The following TRAF6 variants were observed in gnomAD, a reference collection of about 807,000 sequenced individuals.
TRAF6 encodes the protein TNF receptor-associated factor 6.
TRAF6 carries 10 observed loss-of-function variants against 48.4 expected under a neutral mutation model. That is an observed-to-expected ratio of 0.21 (90% CI 0.13 to 0.35). The LOEUF (loss-of-function observed/expected upper bound fraction) is 0.35. Ranked by LOEUF, TRAF6 falls within the 10% of genes least tolerant of loss-of-function variation. TRAF6 has a pLI of 1.00. For missense variants in TRAF6, 397 were observed against 661.0 expected (o/e 0.60, Z 4.38); for synonymous variants, 186 against 219.6 (o/e 0.85, Z 1.35).
At chr11:36,507,874 T>TATATA (rs1859828429) in intron 1 of TRAF6, among the ~76,000 whole-genome samples, 1 of 148,516 alleles carries the variant, frequency 6.7e-6, no homozygotes, top group African/African-American at 2.5e-5. Context: ...ACTTTTTTTT[T>TATATA]TGTCAGGGTC....
chr11:36,492,410 C>A lies in TRAF6; in HGVS notation c.756+141G>T. On this transcript the variant is annotated intron_variant, in intron 6 of 6. Transcript: ENST00000526995. ...CTAAGTATGCCTTTGCTTCTGCTCA[C>A]AGCATCCATGAATAACTCTATTATA... 3 of 709,420 alleles carry A rather than the reference C, an allele frequency of 4.2e-6. No individual in the cohort carries two copies. In the South Asian group the frequency reaches 5.7e-5, roughly 13 times the overall value. 43.9% of individuals were successfully genotyped at this position (709,420 alleles called of 1,614,324 possible).
intron 4 of TRAF6, 144 bp downstream of exon 4, chr11:36,496,964 T>G: frequency 1.1e-6 from 1 of 900,676 alleles, no homozygotes. Flanking sequence ...ACCTTCTTTT[T>G]CTTAAAAATC....
intron 5 of TRAF6, among the ~76,000 whole-genome samples, chr11:36,493,291 A>C (rs1248792134): frequency 2.6e-5 from 4 of 152,232 alleles, no homozygotes; most frequent in African/African-American, 9.6e-5. Flanking sequence ...TTAGAAATTT[A>C]ATGTAGCTAT....
Position 36,484,551 on chromosome 11 carries a change from T to C in TRAF6, c.*5287A>G, listed in dbSNP as rs1859454813. Reference sequence around the variant, plus strand: ...CACAGTGTCTTTCTTAATAGAGTCATACATTAATGAATGTTACCCATTATT... The same window carrying C: ...CACAGTGTCTTTCTTAATAGAGTCACACATTAATGAATGTTACCCATTATT... On this transcript the variant is annotated 3_prime_UTR_variant, in exon 7 of 7. Transcript: ENST00000526995. Among the ~76,000 whole-genome samples, 2 of 152,218 alleles carry C rather than the reference T, an allele frequency of 1.3e-5. No homozygotes were observed. Among genetic ancestry groups the C allele is most frequent in the South Asian group, 4.1e-4 (2 of 4,836 alleles).
chr11:36,507,133 C>T (rs1016337566), intron 1 of TRAF6, among the ~76,000 whole-genome samples: 8 of 143,258 alleles, frequency 5.6e-5, no homozygotes, highest in African/African-American at 1.0e-4. Flanking sequence ...ATTATACATA[C>T]ATAAATGTAT....
At position 36,488,982 on chromosome 11, in the gene TRAF6, T is replaced by A. The variant is rs1859525427; in HGVS notation, c.*856A>T. Reference sequence around the variant, plus strand: ...TTATGTTGCTGATTGTATGTGTGCATCTCCTGTCTTGTAAGCATTAAACAA... The same window carrying A: ...TTATGTTGCTGATTGTATGTGTGCAACTCCTGTCTTGTAAGCATTAAACAA... On this transcript the variant is annotated 3_prime_UTR_variant, in exon 7 of 7. Coordinates refer to ENST00000526995, the MANE Select transcript of TRAF6 (RefSeq NM_004620.4). 1 of 152,178 alleles carries A rather than the reference T, an allele frequency of 6.6e-6. No individual in the cohort carries two copies. Among genetic ancestry groups the A allele is most frequent in the Non-Finnish European group, 1.5e-5 (1 of 68,036 alleles). 9.4% of individuals were successfully genotyped at this position (152,178 alleles called of 1,614,324 possible).
In TRAF6 at chr11:36,486,620, TTC is replaced by T. The variant is rs1236024403; in HGVS notation, c.*3216_*3217del. Among the ~76,000 whole-genome samples, 4 of 152,172 alleles carry T rather than the reference TTC, an allele frequency of 2.6e-5. No individual in the cohort carries two copies. The highest frequency in any genetic ancestry group is 5.9e-5 in the Non-Finnish European group (4 of 68,038). On this transcript the variant is annotated 3_prime_UTR_variant, in exon 7 of 7. Coordinates refer to ENST00000526995, the MANE Select transcript of TRAF6 (RefSeq NM_004620.4). ...TTAGAATAAAAAACACCTGCCTTCA[TTC>T]TGTTTCACTTTTTTCTACTATTTAT... is the stretch of plus-strand genomic sequence containing the variant.
Position 36,494,970 on chromosome 11 carries a change from T to C in TRAF6, c.678+6A>G. On this transcript the variant is annotated splice_donor_region_variant and intron_variant, in intron 5 of 6. Transcript: ENST00000526995. Reference sequence around the variant, plus strand: ...GAAAATAATAATTTATGAAAATGAATAATACCTGTTCTCTGATGAGTATAG... The same window carrying C: ...GAAAATAATAATTTATGAAAATGAACAATACCTGTTCTCTGATGAGTATAG... 6.4e-7 allele frequency: 1 copy of C among 1,566,330 alleles called. No homozygotes were observed.
chr11:36,492,095 A>G (rs5030473), intron 6 of TRAF6, among the ~76,000 whole-genome samples: 27 of 152,274 alleles, frequency 1.8e-4, no homozygotes, highest in African/African-American at 6.3e-4. Flanking sequence ...TCTCCTAAAT[A>G]TGTACTGGCT....
At chr11:36,501,157 T>G in intron 2 of TRAF6, 63 bp downstream of exon 2, 4 of 1,437,522 alleles carry the variant, frequency 2.8e-6, no homozygotes, top group Non-Finnish European at 3.7e-6. Context: ...CCATGTTCTA[T>G]GTAACAATGT....
rs942089156 is a variant in TRAF6 at position 36,483,876 on chromosome 11, C to T, written c.*5962G>A. Among the ~76,000 whole-genome samples, 2 of 152,060 alleles carry T rather than the reference C, an allele frequency of 1.3e-5. No homozygotes were observed. Among genetic ancestry groups the T allele is most frequent in the Non-Finnish European group, 2.9e-5 (2 of 68,008 alleles). ...AACAGTGCGGAGGGGGTAAGTATGTCAGTCTGGCATGTTTTCTTCTAAATT... is the reference window on the plus strand; with the variant it reads ...AACAGTGCGGAGGGGGTAAGTATGTTAGTCTGGCATGTTTTCTTCTAAATT... On this transcript the variant is annotated 3_prime_UTR_variant, in exon 7 of 7. Coordinates refer to ENST00000526995, the MANE Select transcript of TRAF6 (RefSeq NM_004620.4).
chr11:36,501,589 A>G, intron 1 of TRAF6, 52 bp from the exon 2 acceptor site: 1 of 1,297,362 alleles, frequency 7.7e-7, no homozygotes, highest in Non-Finnish European at 1.1e-6. Context: ...ACACACTCAC[A>G]CCCCACACAT....
chr11:36,484,184 G>A lies in TRAF6; in HGVS notation c.*5654C>T, dbSNP rs1859449333. On this transcript the variant is annotated 3_prime_UTR_variant, in exon 7 of 7. Transcript: ENST00000526995. The stretch of plus-strand genomic sequence containing the variant: ...TTTATGCGCTCCGTGCATGCTGATG[G>A]TGCAGGGAGTGGTGGAAGATGTGCC... Among the ~76,000 whole-genome samples the A allele has an allele frequency of 6.6e-6, 1 of 152,212 alleles. No individual in the cohort carries two copies. The highest frequency in any genetic ancestry group is 6.5e-5 in the Admixed American group (1 of 15,288).
chr11:36,497,048 C>T lies in TRAF6; in HGVS notation c.606+60G>A, dbSNP rs373498284. On this transcript the variant is annotated intron_variant, in intron 4 of 6. Coordinates refer to ENST00000526995, the MANE Select transcript of TRAF6 (RefSeq NM_004620.4). Reference sequence around the variant, plus strand: ...TATCTACTGCTAACCCCCTCAAGTACACATTTAAGAACAATATTTTAAGAA... The same window carrying T: ...TATCTACTGCTAACCCCCTCAAGTATACATTTAAGAACAATATTTTAAGAA... 23 of 1,560,090 alleles carry T rather than the reference C, an allele frequency of 1.5e-5. 1 individual carries two copies. The highest frequency in any genetic ancestry group is 3.4e-4 in the Middle Eastern group (2 of 5,800).
Position 36,498,658 on chromosome 11 carries a change from C to CA in TRAF6, c.297-19dup. ...CTGCATCCCTAACAGAAACAAAATA[C>CA]ACACAATTAGATTTAAAGACTCACA... On this transcript the variant is annotated intron_variant, in intron 2 of 6. Coordinates refer to ENST00000526995, the MANE Select transcript of TRAF6 (RefSeq NM_004620.4). 1 of 1,593,324 alleles carries CA rather than the reference C, an allele frequency of 6.3e-7. No individual in the cohort carries two copies. The highest frequency in any genetic ancestry group is 8.5e-7 in the Non-Finnish European group (1 of 1,172,458).
chr11:36,509,597 T>C (rs1373618051), intron 1 of TRAF6, among the ~76,000 whole-genome samples: 1 of 152,106 alleles, frequency 6.6e-6, no homozygotes, highest in Non-Finnish European at 1.5e-5. Context: ...GGCAATTTCC[T>C]TATCTGGGAA....
intron 1 of TRAF6, among the ~76,000 whole-genome samples, chr11:36,507,554 C>T (rs1430396058): frequency 0.061 from 404 of 6,672 alleles, 179 homozygotes; most frequent in South Asian, 0.49. Flanking sequence ...CGTGTATACA[C>T]GTATATATAC....
In TRAF6 at chr11:36,507,183, AT is replaced by A. The variant is rs1164600867; in HGVS notation, c.-23+2864del. On this transcript the variant is annotated intron_variant, in intron 1 of 6. Transcript: ENST00000526995. Reference sequence around the variant, plus strand: ...ATGTATTATACATACATAAATGTATATATGTATATATACATGTATTATACAT... The same window carrying A: ...ATGTATTATACATACATAAATGTATAATGTATATATACATGTATTATACAT... Among the ~76,000 whole-genome samples, 20 of 86,716 alleles carry A rather than the reference AT, an allele frequency of 2.3e-4. 1 individual carries two copies. The highest frequency in any genetic ancestry group is 8.7e-4 in the African/African-American group (20 of 22,914). 56.9% of individuals were successfully genotyped at this position (86,716 alleles called of 152,430 possible). A position where few individuals can be genotyped will look rare whatever the true frequency, so the allele number is the denominator to read the frequency against.
chr11:36,501,707 A>T (rs1022622342), intron 1 of TRAF6, 170 bp from the exon 2 acceptor site: 10 of 432,960 alleles, frequency 2.3e-5, no homozygotes, highest in African/African-American at 1.8e-4. Flanking sequence ...TTTCATGACT[A>T]TTATAAGTTA....
Sources: gnomAD v4.1 joint callset for allele counts (sites outside exome capture counted in the v4.1 genomes callset) on GRCh38, gnomAD v4.1.1 for gene constraint, MANE v1.5 for transcripts, NCBI Gene and HGNC (gene_info 2026-07-23, HGNC 2026-07-21) for gene names.